The following TP63 variants were observed in gnomAD, a reference collection of about 807,000 sequenced individuals.
TP63 encodes tumor protein 63.
A neutral mutation model predicts 82.8 loss-of-function variants in TP63; 17 were observed. The observed-to-expected ratio is 0.21, with a 90% CI of 0.14 to 0.31. The LOEUF (loss-of-function observed/expected upper bound fraction) is 0.31, where lower values mean the gene tolerates loss of function less well. Among genes scored for constraint, TP63 ranks in the 10% least tolerant of loss-of-function variants. The pLI is 1.00. For missense variants in TP63, 648 were observed against 895.3 expected (o/e 0.72, Z 3.52); for synonymous variants, 330 against 321.7 (o/e 1.03, Z -0.28).
intron 1 of TP63, among the ~76,000 whole-genome samples, chr3:189,722,070 T>C (rs1719434174): frequency 6.6e-6 from 1 of 152,162 alleles, no homozygotes; most frequent in South Asian, 2.1e-4. Context: ...AAGAATGTCA[T>C]TGCTTAAGAG....
At chr3:189,793,901 A>G (rs1465928469) in intron 3 of TP63, among the ~76,000 whole-genome samples, 2 of 152,112 alleles carry the variant, frequency 1.3e-5, no homozygotes, top group African/African-American at 4.8e-5. Context: ...GTCCAGTGCC[A>G]ATTTAGTGGA....
chr3:189,677,571 T>C (rs763470086), intron 1 of TP63, among the ~76,000 whole-genome samples: 3 of 151,710 alleles, frequency 2.0e-5, no homozygotes, highest in Non-Finnish European at 4.4e-5. Context: ...AATGCAGGCA[T>C]CTTTTTGGTA....
At chr3:189,765,893 C>T (rs1307609264) in intron 3 of TP63, among the ~76,000 whole-genome samples, 1 of 152,120 alleles carries the variant, frequency 6.6e-6, no homozygotes, top group East Asian at 1.9e-4. Context: ...GGTGAAAGCA[C>T]GGAGTTGGGC....
intron 1 of TP63, among the ~76,000 whole-genome samples, chr3:189,649,023 G>A (rs1712657648): frequency 6.8e-6 from 1 of 146,932 alleles, no homozygotes. Flanking sequence ...TTTTAAAAAT[G>A]TACTAAGCAC....
At chr3:189,731,122 C>T (rs1720140326) in intron 1 of TP63, among the ~76,000 whole-genome samples, 1 of 152,136 alleles carries the variant, frequency 6.6e-6, no homozygotes, top group African/African-American at 2.4e-5. Context: ...GCAGGTGGAC[C>T]ACCTGAGGTC....
At chr3:189,887,636 ATT>A (rs1720592241) in intron 11 of TP63, among the ~76,000 whole-genome samples, 1 of 152,204 alleles carries the variant, frequency 6.6e-6, no homozygotes, top group African/African-American at 2.4e-5. Flanking sequence ...AATGCAAAAG[ATT>A]GTATAACACC....
At chr3:189,706,619 C>T (rs1718221876) in intron 1 of TP63, among the ~76,000 whole-genome samples, 1 of 152,158 alleles carries the variant, frequency 6.6e-6, no homozygotes, top group Non-Finnish European at 1.5e-5. Context: ...CGTGGGCTCT[C>T]TGCATCTTGT....
At chr3:189,642,248 C>T (rs1434839499) in intron 1 of TP63, among the ~76,000 whole-genome samples, 1 of 152,144 alleles carries the variant, frequency 6.6e-6, no homozygotes, top group Non-Finnish European at 1.5e-5. Flanking sequence ...ACGGAAACCA[C>T]AATTACTAAT....
intron 1 of TP63, among the ~76,000 whole-genome samples, chr3:189,674,707 G>C (rs1389564775): frequency 6.6e-6 from 1 of 152,128 alleles, no homozygotes; most frequent in Admixed American, 6.6e-5. Context: ...CAAAGTGTCA[G>C]AGAAGGCACT....
intron 4 of TP63, among the ~76,000 whole-genome samples, chr3:189,839,040 TA>T (rs5855274): frequency 0.23 from 20,145 of 88,854 alleles, 1,415 homozygotes; most frequent in East Asian, 0.44. Context: ...TATCCTAAGC[TA>T]AAAAAAAAAA....
intron 3 of TP63, among the ~76,000 whole-genome samples, chr3:189,762,117 A>G (rs1722628809): frequency 6.6e-6 from 1 of 152,222 alleles, no homozygotes. Flanking sequence ...AAAATATACT[A>G]GACTTTCAGT....
intron 1 of TP63, among the ~76,000 whole-genome samples, chr3:189,679,209 T>C (rs1314584359): frequency 6.6e-6 from 1 of 152,024 alleles, no homozygotes; most frequent in African/African-American, 2.4e-5. Flanking sequence ...GAGAAACTTT[T>C]ATACTGGTTT....
chr3:189,844,803 G>T (rs1714654814), intron 4 of TP63, among the ~76,000 whole-genome samples: 2 of 152,050 alleles, frequency 1.3e-5, no homozygotes, highest in South Asian at 4.2e-4. Flanking sequence ...TGGATCTTTA[G>T]AATTAATTTT....
chr3:189,604,961 A>C, the TP63 span, among the ~76,000 whole-genome samples: 1 of 152,176 alleles, frequency 6.6e-6, no homozygotes, highest in Non-Finnish European at 1.5e-5. Flanking sequence ...TGACATCTCA[A>C]CATCCTATTT....
chr3:189,633,196 A>G (rs1221345417), intron 1 of TP63, among the ~76,000 whole-genome samples: 2 of 152,048 alleles, frequency 1.3e-5, no homozygotes, highest in African/African-American at 4.8e-5. Flanking sequence ...ACATACTGTA[A>G]TATTCTAAGC....
chr3:189,816,393 C>T (rs1009463744), intron 4 of TP63, among the ~76,000 whole-genome samples: 4 of 152,158 alleles, frequency 2.6e-5, no homozygotes, highest in African/African-American at 4.8e-5. Flanking sequence ...TTCTCCTGTT[C>T]GCATTCCCCA....
At chr3:189,727,187 C>T (rs1368463529) in intron 1 of TP63, among the ~76,000 whole-genome samples, 1 of 152,182 alleles carries the variant, frequency 6.6e-6, no homozygotes, top group African/African-American at 2.4e-5. Context: ...GAAAATCAAA[C>T]CCAATCACTT....
the TP63 span, among the ~76,000 whole-genome samples, chr3:189,621,905 G>T: frequency 6.6e-6 from 1 of 152,172 alleles, no homozygotes; most frequent in Admixed American, 6.5e-5. Flanking sequence ...GACAGTGAAG[G>T]TTAGTTGTGT....
chr3:189,736,954 C>T (rs1488012573), intron 1 of TP63, among the ~76,000 whole-genome samples: 7 of 151,902 alleles, frequency 4.6e-5, no homozygotes, highest in Admixed American at 2.0e-4. Context: ...ACTTGGAGAA[C>T]GCATCATCTG....
Sources: allele counts gnomAD v4.1 joint callset (sites outside exome capture counted in the v4.1 genomes callset), GRCh38; gene constraint gnomAD v4.1.1; transcripts MANE v1.5; gene names NCBI Gene and HGNC (gene_info 2026-07-23, HGNC 2026-07-21).